ZNF184: variants seen among roughly 807,000 people sequenced by gnomAD.
The protein encoded by ZNF184 is zinc finger protein 184.
A neutral mutation model predicts 54.4 loss-of-function variants in ZNF184; 16 were observed. The observed-to-expected ratio is 0.29, with a 90% CI of 0.20 to 0.45. The LOEUF (loss-of-function observed/expected upper bound fraction) is 0.45. ZNF184 is among the 20% of genes least tolerant of loss of function. The probability of loss-of-function intolerance (pLI) is 1.00; values close to 1 mark genes in which losing one functional copy is unlikely to be tolerated. For missense variants in ZNF184, 681 were observed against 888.2 expected, an observed-to-expected ratio of 0.77 and a Z score of 2.97; for synonymous variants, 254 against 295.3, an observed-to-expected ratio of 0.86 and a Z score of 1.43.
chr6:27,442,787 GAAGA>G, the ZNF184 span, among the ~76,000 whole-genome samples: 5 of 73,320 alleles, frequency 6.8e-5, 1 homozygote, highest in Admixed American at 3.8e-4. Flanking sequence ...GGAAGGAAAG[GAAGA>G]AAGAAAGAAA....
At chr6:27,448,810 T>C (rs1762667931), downstream of ZNF184, among the ~76,000 whole-genome samples, 1 of 152,110 alleles carries the variant, frequency 6.6e-6, no homozygotes, top group Non-Finnish European at 1.5e-5. Flanking sequence ...AAGAAAGGCA[T>C]TTCCTAACCA....
intron 2 of ZNF184, among the ~76,000 whole-genome samples, chr6:27,471,854 G>A (rs1459391784): frequency 6.6e-6 from 1 of 152,186 alleles, no homozygotes; most frequent in African/African-American, 2.4e-5. Context: ...AAGCCAACAA[G>A]GGAATAGTCT....
the ZNF184 span, among the ~76,000 whole-genome samples, chr6:27,422,216 G>A: frequency 1.5e-4 from 18 of 123,334 alleles, no homozygotes; most frequent in Admixed American, 2.6e-4. Flanking sequence ...AAGAAAGAAA[G>A]AAAAGAAAAG....
In ZNF184 at chr6:27,451,810, T is replaced by A; in HGVS notation, c.1749A>T (p.Glu583Asp). ...LIQHRKIHTG[E>D]RPYKCNECGR... is the part of the protein sequence containing the mutation. Reference sequence around the variant, plus strand: ...CACACTCATTACACTTGTAAGGTCGTTCTCCAGTATGGATCTTCCTATGCT... The same window carrying A: ...CACACTCATTACACTTGTAAGGTCGATCTCCAGTATGGATCTTCCTATGCT... Residue 583 changes from glutamate (E) to aspartate (D), a missense_variant, in exon 6 of 6, where the codon GAA becomes GAT. Coordinates refer to ENST00000683788, the MANE Select transcript of ZNF184 (RefSeq NM_001318891.2). 6.2e-7 allele frequency: 1 copy of A among 1,613,740 alleles called. No homozygotes were observed. Among genetic ancestry groups the A allele is most frequent in the Non-Finnish European group, 8.5e-7 (1 of 1,179,982 alleles).
At chr6:27,408,464 TC>T in the ZNF184 span, among the ~76,000 whole-genome samples, 1 of 152,196 alleles carries the variant, frequency 6.6e-6, no homozygotes, top group Admixed American at 6.5e-5. Context: ...TCTCTAAAGT[TC>T]CCCTGTCCTA....
the ZNF184 span, among the ~76,000 whole-genome samples, chr6:27,424,291 G>A: frequency 6.6e-6 from 1 of 152,204 alleles, no homozygotes. Flanking sequence ...AGTAGTGTGA[G>A]CACAAAGAGT....
chr6:27,436,289 G>A, the ZNF184 span, among the ~76,000 whole-genome samples: 5 of 151,956 alleles, frequency 3.3e-5, no homozygotes, highest in African/African-American at 4.8e-5. Context: ...TCAGCCTCCT[G>A]AGTAGCTGGG....
the ZNF184 span, chr6:27,407,751 G>A: frequency 2.6e-6 from 2 of 770,000 alleles, no homozygotes; most frequent in Non-Finnish European, 2.4e-6. Flanking sequence ...ACCAGAGGCG[G>A]AGATGTCACT....
chr6:27,433,997 T>TTC, the ZNF184 span, among the ~76,000 whole-genome samples: 2 of 145,788 alleles, frequency 1.4e-5, no homozygotes, highest in Admixed American at 6.9e-5. Flanking sequence ...TTCCTTCCTC[T>TTC]CTTTTCTTTC....
At chr6:27,450,343 G>A (rs1762686175), downstream of ZNF184, among the ~76,000 whole-genome samples, 1 of 152,138 alleles carries the variant, frequency 6.6e-6, no homozygotes, top group Non-Finnish European at 1.5e-5. Flanking sequence ...AATCTGCAAT[G>A]TGATGGTATT....
At chr6:27,436,067 C>G in the ZNF184 span, among the ~76,000 whole-genome samples, 8 of 152,138 alleles carry the variant, frequency 5.3e-5, no homozygotes, top group African/African-American at 1.9e-4. Flanking sequence ...GGTTTTTGGT[C>G]TTTCACCATT....
In ZNF184 at chr6:27,457,334, C is replaced by G. The variant is rs751694853; in HGVS notation, c.151G>C (p.Asp51His). The change falls in exon 4 of 6, where the codon GAT becomes CAT. Residue 51 changes from aspartate to histidine, a missense_variant. Coordinates refer to ENST00000683788, the MANE Select transcript of ZNF184 (RefSeq NM_001318891.2). ...TCCAATGTCACATCCCTGAACAAAT[C>G]TCTCTGGCCAGGGTCCAGCTGTTTC... ...EWKQLDPGQRDLFRDVTLENY... is the reference protein window; with the variant it reads ...EWKQLDPGQRHLFRDVTLENY... 1 of 1,613,954 alleles carries G rather than the reference C, an allele frequency of 6.2e-7. No individual in the cohort carries two copies. The highest frequency in any genetic ancestry group is 8.5e-7 in the Non-Finnish European group (1 of 1,180,000).
chr6:27,470,537 A>G (rs1763249416), intron 2 of ZNF184, among the ~76,000 whole-genome samples: 1 of 152,256 alleles, frequency 6.6e-6, no homozygotes, highest in South Asian at 2.1e-4. Flanking sequence ...GTTTTGTAAC[A>G]GAAGTCTTAA....
intron 2 of ZNF184, among the ~76,000 whole-genome samples, chr6:27,470,836 C>T (rs1763257186): frequency 6.6e-6 from 1 of 151,756 alleles, no homozygotes; most frequent in Admixed American, 6.6e-5. Context: ...GTGAGAAATC[C>T]ACAAAATAAA....
the ZNF184 span, among the ~76,000 whole-genome samples, chr6:27,442,812 GAGAAAGAAAGAAAGAAAGAAAGAA>G: frequency 0.11 from 5,614 of 52,250 alleles, 423 homozygotes; most frequent in Non-Finnish European, 0.15. Context: ...GAGAAAGAAA[GAGAAAGAAAGAAAGAAAGAAAGAA>G]AGAAAGAAAG....
Position 27,456,812 on chromosome 6 carries a change from C to T in ZNF184, c.298+14G>A, listed in dbSNP as rs771387583. Reference sequence around the variant, plus strand: ...GGAGTTAATGATATTCATCTGCTGGCATCCATGACTTACCTGCACAGGTAC... The same window carrying T: ...GGAGTTAATGATATTCATCTGCTGGTATCCATGACTTACCTGCACAGGTAC... On this transcript the variant is annotated intron_variant, in intron 5 of 5. Coordinates refer to ENST00000683788, the MANE Select transcript of ZNF184 (RefSeq NM_001318891.2). 6 of 1,609,498 alleles carry T rather than the reference C, an allele frequency of 3.7e-6. No individual in the cohort carries two copies. In the African/African-American group the frequency reaches 8.0e-5, roughly 22 times the overall value.
intron 3 of ZNF184, among the ~76,000 whole-genome samples, chr6:27,461,474 G>T (rs1251096649): frequency 6.6e-6 from 1 of 152,036 alleles, no homozygotes; most frequent in Admixed American, 6.6e-5. Flanking sequence ...GGCTACACTA[G>T]ATCAGCCCTA....
At chr6:27,458,937 G>T (rs1189034011) in intron 3 of ZNF184, among the ~76,000 whole-genome samples, 1 of 152,196 alleles carries the variant, frequency 6.6e-6, no homozygotes, top group Non-Finnish European at 1.5e-5. Flanking sequence ...GTGGTAACAT[G>T]GATGTACCTG....
rs1435973199 is a variant in ZNF184 at position 27,453,443 on chromosome 6, A to G, written c.299-183T>C. Among the ~76,000 whole-genome samples the G allele has an allele frequency of 6.6e-6, 1 of 152,312 alleles. No individual in the cohort carries two copies. Among genetic ancestry groups the G allele is most frequent in the Admixed American group, 6.5e-5 (1 of 15,302 alleles). ...TAAGGAGAATTATAAATAAAATACG[A>G]AAGTGGCAAAAGAATGTCTAATTCA... is the stretch of plus-strand genomic sequence containing the variant. On this transcript the variant is annotated intron_variant, in intron 5 of 5. Coordinates refer to ENST00000683788, the MANE Select transcript of ZNF184 (RefSeq NM_001318891.2). This position sits in a 1 kb window ranked among gnomAD's most constrained non-coding sequence, Gnocchi z 4.7.
Sources: allele counts gnomAD v4.1 joint callset (sites outside exome capture counted in the v4.1 genomes callset), GRCh38; gene constraint gnomAD v4.1.1; non-coding constraint Gnocchi (gnomAD v3.1); transcripts MANE v1.5; gene names NCBI Gene and HGNC (gene_info 2026-07-23, HGNC 2026-07-21).